EFCAB6: variants seen among roughly 807,000 people sequenced by gnomAD.
The protein encoded by EFCAB6 is EF-hand calcium-binding domain-containing protein 6.
Under a neutral mutation model 169.8 loss-of-function variants are expected in EFCAB6, and 156 were observed. The ratio of observed to expected loss-of-function variants is 0.92; its 90% CI spans 0.81 to 1.05. EFCAB6 has a LOEUF of 1.05. EFCAB6 is among the 50% of genes least tolerant of loss of function. The pLI is 0.00. For synonymous variants in EFCAB6, 698 were observed against 676.4 expected, an observed-to-expected ratio of 1.03 and a Z score of -0.50; for missense variants, 1,800 against 1,829.1, an observed-to-expected ratio of 0.98 and a Z score of 0.29.
chr22:43,585,090 A>G (rs1402536305), intron 24 of EFCAB6, among the ~76,000 whole-genome samples: 1 of 152,246 alleles, frequency 6.6e-6, no homozygotes, highest in Non-Finnish European at 1.5e-5. Context: ...AGTCAAGAAA[A>G]GACACAGTAT....
chr22:43,603,051 C>G (rs2052639774), intron 22 of EFCAB6, among the ~76,000 whole-genome samples: 1 of 152,068 alleles, frequency 6.6e-6, no homozygotes, highest in Admixed American at 6.6e-5. Context: ...CCATTCATGG[C>G]TGTTGGGCTA....
intron 10 of EFCAB6, among the ~76,000 whole-genome samples, chr22:43,708,103 AAAAAAAG>A (rs1390218327): frequency 1.2e-3 from 183 of 151,194 alleles, no homozygotes; most frequent in Non-Finnish European, 1.7e-3. Context: ...AAAAAAAAAA[AAAAAAAG>A]AAAGAAAGAA....
intron 26 of EFCAB6, among the ~76,000 whole-genome samples, chr22:43,559,490 G>C (rs1234170226): frequency 6.6e-6 from 1 of 152,210 alleles, no homozygotes; most frequent in African/African-American, 2.4e-5. Context: ...AATATCATTT[G>C]ACCCAGCAAT....
At chr22:43,556,461 G>A (rs1010772448) in intron 26 of EFCAB6, among the ~76,000 whole-genome samples, 4 of 152,152 alleles carry the variant, frequency 2.6e-5, no homozygotes, top group African/African-American at 9.7e-5. Flanking sequence ...GATATACTGG[G>A]TTTCCCCACA....
Position 43,632,220 on chromosome 22 carries a change from G to A in EFCAB6, c.2117C>T (p.Pro706Leu), listed in dbSNP as rs141654739. Residue 706 changes from proline (P) to leucine (L), a missense_variant, in exon 19 of 32, where the codon CCG (proline) becomes CTG (leucine). Physicochemically the swap from Pro to Leu is moderately conservative, Grantham distance 98. Coordinates refer to ENST00000262726, the MANE Select transcript of EFCAB6 (RefSeq NM_022785.4). Reference sequence around the variant, plus strand: ...TGGAGGCTGCGGCGGAGTGGTTTCCGGCCCTCTCATTGGAGGATCTGGAAC... The same window carrying A: ...TGGAGGCTGCGGCGGAGTGGTTTCCAGCCCTCTCATTGGAGGATCTGGAAC... ...AGFEDPPMRGPETTPPQPPTP... is the reference protein window; with the variant it reads ...AGFEDPPMRGLETTPPQPPTP... 1,524 of 1,613,338 alleles carry A rather than the reference G, an allele frequency of 9.4e-4. 8 individuals carry two copies. Among genetic ancestry groups the A allele is most frequent in the Middle Eastern group, 8.1e-3 (49 of 6,042 alleles).
chr22:43,572,537 C>T lies in EFCAB6; in HGVS notation c.3420+3760G>A, dbSNP rs377336549. Among the ~76,000 whole-genome samples, 41 of 152,330 alleles carry T rather than the reference C, an allele frequency of 2.7e-4. No individual in the cohort carries two copies. The East Asian group carries it at 4.8e-3, about 18-fold the overall frequency. ...CCCCAAGCCTACGGCCGCCTGGCTC[C>T]TTCGCTCCCTGGCCCCATCTCCTTA... On this transcript the variant is annotated intron_variant, in intron 26 of 31. Coordinates refer to ENST00000262726, the MANE Select transcript of EFCAB6 (RefSeq NM_022785.4). This position sits in a 1 kb window ranked among gnomAD's most constrained non-coding sequence, Gnocchi z 4.0.
intron 17 of EFCAB6, among the ~76,000 whole-genome samples, chr22:43,641,728 C>T (rs545258333): frequency 6.6e-5 from 10 of 152,114 alleles, no homozygotes; most frequent in Non-Finnish European, 1.5e-4. Flanking sequence ...GGTGCCAGCT[C>T]CTCAACGGGT....
intron 17 of EFCAB6, among the ~76,000 whole-genome samples, chr22:43,636,142 G>A (rs1460307579): frequency 1.3e-5 from 2 of 152,228 alleles, no homozygotes; most frequent in African/African-American, 4.8e-5. Context: ...AATCCCACCC[G>A]GAACAGGGGA....
At chr22:43,700,589 G>C (rs954256277) in intron 10 of EFCAB6, among the ~76,000 whole-genome samples, 12 of 152,228 alleles carry the variant, frequency 7.9e-5, no homozygotes, top group African/African-American at 2.7e-4. Flanking sequence ...CAGAATGACA[G>C]AACGGTCCCC....
rs747162632 is a variant in EFCAB6, at chr22:43,672,117, T to C, written c.1496A>G (p.His499Arg). ...LAWDSVEEIV[H>R]DTITRNLQAF... ...TTGTAGGTTCCTAGTAATTGTATCA[T>C]GAACAATTTCTTCCACCTAACATTA... The change falls in exon 15 of 32, where the codon CAT becomes CGT. Residue 499 changes from histidine to arginine, a missense_variant. Physicochemically the swap from His to Arg is conservative, Grantham distance 29 (BLOSUM62 0). Transcript: ENST00000262726. 6.2e-7 allele frequency: 1 copy of C among 1,613,422 alleles called. No homozygotes were observed. Among genetic ancestry groups the C allele is most frequent in the Non-Finnish European group, 8.5e-7 (1 of 1,179,798 alleles).
At chr22:43,798,810 C>T (rs1411199611) in intron 2 of EFCAB6, among the ~76,000 whole-genome samples, 2 of 152,208 alleles carry the variant, frequency 1.3e-5, no homozygotes, top group Non-Finnish European at 2.9e-5. Context: ...TCTAATCAGT[C>T]AGCAAGTGAT....
At chr22:43,534,955 C>T in intron 29 of EFCAB6, 83 bp from the exon 30 acceptor site, 1 of 1,414,800 alleles carries the variant, frequency 7.1e-7, no homozygotes, top group South Asian at 1.4e-5. Flanking sequence ...CTTGCTGAGA[C>T]ACCTTCTCTG....
intron 4 of EFCAB6, among the ~76,000 whole-genome samples, chr22:43,772,208 T>A (rs960991217): frequency 9.9e-5 from 15 of 152,218 alleles, no homozygotes; most frequent in African/African-American, 3.6e-4. Flanking sequence ...GAGTCTGACT[T>A]ATCTGCACCG....
chr22:43,750,123 TA>T (rs552898257), intron 6 of EFCAB6, among the ~76,000 whole-genome samples: 124 of 148,826 alleles, frequency 8.3e-4, no homozygotes, highest in Middle Eastern at 3.5e-3. Flanking sequence ...ACAGGAAGAT[TA>T]AAAAAAAAAC....
intron 2 of EFCAB6, among the ~76,000 whole-genome samples, chr22:43,782,950 C>T (rs1377923148): frequency 6.6e-6 from 1 of 152,156 alleles, no homozygotes; most frequent in Non-Finnish European, 1.5e-5. Context: ...CTCCCCCTGC[C>T]CCAACAGCTT....
At chr22:43,549,501 C>T (rs763089882) in intron 27 of EFCAB6, among the ~76,000 whole-genome samples, 7 of 152,122 alleles carry the variant, frequency 4.6e-5, no homozygotes, top group Non-Finnish European at 5.9e-5. Context: ...TGAAGATAGC[C>T]TGAATGGCTT....
At chr22:43,562,590 TTGGAGGGA>T (rs1367560861) in intron 26 of EFCAB6, among the ~76,000 whole-genome samples, 1,891 of 68,792 alleles carry the variant, frequency 0.027, 277 homozygotes, top group Middle Eastern at 0.065. Context: ...CGGTGGGGGG[TTGGAGGGA>T]GGCAGCCCAG....
At chr22:43,583,862 A>AT (rs76367008) in intron 24 of EFCAB6, among the ~76,000 whole-genome samples, 27,487 of 151,922 alleles carry the variant, frequency 0.18, 2,713 homozygotes, top group Middle Eastern at 0.28. Flanking sequence ...CACAGTTTAC[A>AT]TTTTTTTATG....
intron 8 of EFCAB6, among the ~76,000 whole-genome samples, chr22:43,724,907 C>G (rs1569444421): frequency 6.6e-6 from 1 of 152,210 alleles, no homozygotes; most frequent in South Asian, 2.1e-4. Flanking sequence ...AACAACCCCA[C>G]TTCTCTGTAT....
Sources: allele counts gnomAD v4.1 joint callset (sites outside exome capture counted in the v4.1 genomes callset), GRCh38; gene constraint gnomAD v4.1.1; non-coding constraint Gnocchi (gnomAD v3.1); transcripts MANE v1.5; gene names NCBI Gene and HGNC (gene_info 2026-07-23, HGNC 2026-07-21).